RGS22: variants seen among roughly 807,000 people sequenced by gnomAD.
RGS22 encodes the protein regulator of G-protein signaling 22.
RGS22 carries 148 observed loss-of-function variants against 172.9 expected under a neutral mutation model. That is an observed-to-expected ratio of 0.86 (90% CI 0.75 to 0.98). The LOEUF is 0.98. Ranked by LOEUF, RGS22 falls within the 50% of genes least tolerant of loss-of-function variation. The pLI is 0.00. For synonymous variants in RGS22, 458 were observed against 480.2 expected (o/e 0.95, Z 0.60); for missense variants, 1,347 against 1,440.8 (o/e 0.93, Z 1.05).
At chr8:100,103,948 G>A (rs1813701106) in intron 2 of RGS22, among the ~76,000 whole-genome samples, 1 of 152,190 alleles carries the variant, frequency 6.6e-6, no homozygotes. Context: ...GCTGGCTTCA[G>A]AAATGCTCAC....
intron 4 of RGS22, among the ~76,000 whole-genome samples, chr8:100,078,823 C>G (rs2514700): frequency 6.6e-6 from 1 of 151,804 alleles, no homozygotes; most frequent in African/African-American, 2.4e-5. Flanking sequence ...GATAGTGTTT[C>G]GCCATGTTGC....
chr8:100,093,608 A>C, intron 2 of RGS22, 99 bp from the exon 3 acceptor site: 3 of 776,952 alleles, frequency 3.9e-6, no homozygotes, highest in Non-Finnish European at 6.4e-6. Context: ...TATCACATAG[A>C]TCTTCAAATC....
chr8:100,018,437 C>T lies in RGS22; in HGVS notation c.2167-9868G>A, dbSNP rs1452998794. On this transcript the variant is annotated intron_variant, in intron 14 of 27. Coordinates refer to ENST00000360863, the MANE Select transcript of RGS22 (RefSeq NM_015668.5). ...AAATTAGAATAAATGAAGACACACA[C>T]ACACACACACAAAAGAGGGTAGGGG... Among the ~76,000 whole-genome samples, 3 of 152,038 alleles carry T rather than the reference C, an allele frequency of 2.0e-5. No individual in the cohort carries two copies. The East Asian group carries it at 5.8e-4, about 29-fold the overall frequency.
chr8:99,982,034 A>T lies in RGS22; in HGVS notation c.3263T>A (p.Ile1088Asn). The change falls in exon 22 of 28, where the codon ATT becomes AAT. Residue 1088 changes from isoleucine to asparagine, a missense_variant. Coordinates refer to ENST00000360863, the MANE Select transcript of RGS22 (RefSeq NM_015668.5). ...TIINCFINSSIPPALQIDIPV... is the reference protein window; with the variant it reads ...TIINCFINSSNPPALQIDIPV... ...AATGTCAATTTGTAAAGCTGGTGGA[A>T]TACTGGAATTAATAAAGCAGTTGAT... The T allele has an allele frequency of 6.2e-7, 1 of 1,613,956 alleles. No individual in the cohort carries two copies. Among genetic ancestry groups the T allele is most frequent in the Non-Finnish European group, 8.5e-7 (1 of 1,179,850 alleles).
intron 14 of RGS22, among the ~76,000 whole-genome samples, chr8:100,026,857 G>A (rs77930209): frequency 0.013 from 1,982 of 151,906 alleles, 17 homozygotes; most frequent in South Asian, 0.032. Context: ...AAAAGAAGCC[G>A]ATGACTTAAA....
intron 19 of RGS22, among the ~76,000 whole-genome samples, chr8:99,998,497 G>GTGTTTCAAAGC (rs1459897019): frequency 6.6e-6 from 1 of 152,132 alleles, no homozygotes; most frequent in Non-Finnish European, 1.5e-5. Context: ...TTGAGCCCCA[G>GTGTTTCAAAGC]TGTTTCAAAG....
intron 14 of RGS22, among the ~76,000 whole-genome samples, chr8:100,034,253 C>T (rs1334139516): frequency 5.9e-5 from 9 of 152,112 alleles, no homozygotes; most frequent in Admixed American, 5.2e-4. Flanking sequence ...AGCTGATAAG[C>T]AACTTCAGCA....
rs1812220115 is a variant in RGS22, at chr8:100,087,073, T to G, written c.117+6374A>C. The stretch of plus-strand genomic sequence containing the variant: ...TTGTTTGCTTAAAAAGAAGCTCTCT[T>G]AAACATCAAGTCCTTTGTTTTAACC... On this transcript the variant is annotated intron_variant, in intron 3 of 27. Coordinates refer to ENST00000360863, the MANE Select transcript of RGS22 (RefSeq NM_015668.5). 3.3e-5 allele frequency among the ~76,000 whole-genome samples: 5 copies of G among 152,274 alleles called. No homozygotes were observed. The South Asian group carries it at 8.3e-4, about 25-fold the overall frequency.
intron 20 of RGS22, among the ~76,000 whole-genome samples, chr8:99,993,220 A>G (rs1388553147): frequency 2.6e-5 from 4 of 152,206 alleles, no homozygotes; most frequent in Non-Finnish European, 5.9e-5. Context: ...GAGAAGCAAG[A>G]GCAAACAAAT....
intron 23 of RGS22, among the ~76,000 whole-genome samples, chr8:99,974,278 G>C (rs954705812): frequency 4.6e-5 from 7 of 152,082 alleles, no homozygotes; most frequent in African/African-American, 1.7e-4. Context: ...TGATGGGCTG[G>C]GGTTGGGGAG....
chr8:99,983,012 G>A (rs990152179), intron 21 of RGS22, among the ~76,000 whole-genome samples: 2 of 152,114 alleles, frequency 1.3e-5, no homozygotes, highest in African/African-American at 4.8e-5. Flanking sequence ...TTATGTCCAT[G>A]TGTGCCCAAT....
At chr8:100,020,624 C>T (rs1013359969) in intron 14 of RGS22, among the ~76,000 whole-genome samples, 1 of 152,098 alleles carries the variant, frequency 6.6e-6, no homozygotes, top group Non-Finnish European at 1.5e-5. Flanking sequence ...TTTACTGGAG[C>T]CAGCTTGTAC....
chr8:99,966,537 T>C (rs1810751582), intron 23 of RGS22, among the ~76,000 whole-genome samples: 1 of 152,158 alleles, frequency 6.6e-6, no homozygotes, highest in Non-Finnish European at 1.5e-5. Flanking sequence ...TATAATTGTA[T>C]TTCAATTAAT....
Position 100,006,086 on chromosome 8 carries a change from T to C in RGS22, c.2385A>G (p.Arg795=), listed in dbSNP as rs201893409. The C allele has an allele frequency of 1.7e-4, 275 of 1,612,984 alleles. 1 individual carries two copies. In the Middle Eastern group the frequency reaches 2.8e-3, roughly 16 times the overall value. Residue 795 remains arginine (R), a synonymous_variant, in exon 16 of 28, where the codon CGA becomes CGG. Transcript: ENST00000360863. ...YKKVELVEET[R]QLDSTYFRKL... ...TTCTGAAGTATGTGGAGTCTAACTG[T>C]CGAGTTTCTTCCACCAGCTCCACCT...
chr8:100,034,521 G>A (rs1159257237), intron 14 of RGS22, among the ~76,000 whole-genome samples: 1 of 152,158 alleles, frequency 6.6e-6, no homozygotes, highest in Non-Finnish European at 1.5e-5. Flanking sequence ...AATCAATATT[G>A]TGAAAATGGC....
At chr8:99,996,633 C>A in intron 19 of RGS22, 103 bp from the exon 20 acceptor site, 1 of 975,218 alleles carries the variant, frequency 1.0e-6, no homozygotes, top group South Asian at 1.5e-5. Flanking sequence ...TTAACTTGGA[C>A]AAGAGATAGT....
At chr8:100,088,178 T>C (rs1318277168) in intron 3 of RGS22, among the ~76,000 whole-genome samples, 1 of 152,044 alleles carries the variant, frequency 6.6e-6, no homozygotes, top group Non-Finnish European at 1.5e-5. Flanking sequence ...TGTTTACGGA[T>C]TGTAAAAAGT....
In RGS22 at chr8:100,080,124, A is replaced by C. The variant is rs780810996; in HGVS notation, c.339+10T>G. ...TCTATCTAACAAGATAAAACAGTAT[A>C]CTTTCTTACCATAATATTGTAGTTG... is the stretch of plus-strand genomic sequence containing the variant. On this transcript the variant is annotated intron_variant, in intron 4 of 27. Transcript: ENST00000360863. 1.3e-6 allele frequency: 2 copies of C among 1,555,700 alleles called. No homozygotes were observed. Among genetic ancestry groups the C allele is most frequent in the African/African-American group, 2.7e-5 (2 of 73,368 alleles).
At chr8:100,044,540 C>A (rs186839092) in intron 11 of RGS22, among the ~76,000 whole-genome samples, 2 of 152,256 alleles carry the variant, frequency 1.3e-5, no homozygotes, top group African/African-American at 4.8e-5. Context: ...AGCCACCATG[C>A]CCAGCCTAAA....
Sources: allele counts gnomAD v4.1 joint callset (sites outside exome capture counted in the v4.1 genomes callset), GRCh38; gene constraint gnomAD v4.1.1; transcripts MANE v1.5; gene names NCBI Gene and HGNC (gene_info 2026-07-23, HGNC 2026-07-21).